Variants in DOCK7 observed in about 807,000 individuals in gnomAD.
The protein encoded by DOCK7 is dedicator of cytokinesis 7, also known as dedicator of cytokinesis protein 7.
DOCK7 carries 138 observed loss-of-function variants against 271.0 expected under a neutral mutation model. That is an observed-to-expected ratio of 0.51 (90% confidence interval 0.44 to 0.59). The LOEUF (loss-of-function observed/expected upper bound fraction) is 0.59, where lower values mean the gene tolerates loss of function less well. Among genes scored for constraint, DOCK7 ranks in the 20% least tolerant of loss-of-function variants. DOCK7 has a pLI of 0.00. For synonymous variants in DOCK7, 823 were observed against 876.1 expected, an observed-to-expected ratio of 0.94 and a Z score of 1.07; for missense variants, 2,066 against 2,592.4, an observed-to-expected ratio of 0.80 and a Z score of 4.41.
intron 43 of DOCK7, among the ~76,000 whole-genome samples, chr1:62,479,551 T>G (rs114856166): frequency 0.027 from 4,061 of 152,144 alleles, 128 homozygotes; most frequent in Admixed American, 0.093. Flanking sequence ...AATTCTGACT[T>G]AAGTAATAAA....
At chr1:62,586,745 G>T in intron 14 of DOCK7, 121 bp from the exon 15 acceptor site, 1 of 534,188 alleles carries the variant, frequency 1.9e-6, no homozygotes, top group South Asian at 4.0e-5. Flanking sequence ...TAGCAATTAT[G>T]CTAAGTATTT....
intron 31 of DOCK7, among the ~76,000 whole-genome samples, chr1:62,519,426 T>G (rs543042064): frequency 3.3e-5 from 5 of 152,214 alleles, no homozygotes; most frequent in Admixed American, 1.3e-4. Context: ...TCTGATCATT[T>G]AATTTGGCCA....
intron 41 of DOCK7, 127 bp from the exon 42 acceptor site, chr1:62,489,192 G>C (rs1403541578): frequency 1.2e-6 from 1 of 863,052 alleles, no homozygotes; most frequent in African/African-American, 1.8e-5. Flanking sequence ...GCTCACACCT[G>C]TAATCCCAGC....
At chr1:62,487,656 C>T in intron 42 of DOCK7, 1 of 406,698 alleles carries the variant, frequency 2.5e-6, no homozygotes, top group Non-Finnish European at 4.5e-6. Flanking sequence ...GGAAAGAGAG[C>T]CAGCAGCTTG....
At chr1:62,643,792 T>C (rs897950117) in intron 7 of DOCK7, among the ~76,000 whole-genome samples, 1 of 152,090 alleles carries the variant, frequency 6.6e-6, no homozygotes, top group African/African-American at 2.4e-5. Flanking sequence ...TCTATTTACA[T>C]CTTTGTGTAC....
intron 1 of DOCK7, among the ~76,000 whole-genome samples, chr1:62,675,135 C>T (rs1013002205): frequency 6.6e-6 from 1 of 152,174 alleles, no homozygotes; most frequent in Non-Finnish European, 1.5e-5. Flanking sequence ...GAATAAGAGG[C>T]CAGGCATGGT....
In DOCK7 at chr1:62,454,957, A is replaced by T. The variant is rs1205535595; in HGVS notation, c.*457T>A. Reference sequence around the variant, plus strand: ...GAACTAGTTCTTGAGTCAACCCTTTAATTGTTCTCTGCCATTGTCAATAAT... The same window carrying T: ...GAACTAGTTCTTGAGTCAACCCTTTTATTGTTCTCTGCCATTGTCAATAAT... On this transcript the variant is annotated 3_prime_UTR_variant, in exon 50 of 50. Coordinates refer to ENST00000635253, the MANE Select transcript of DOCK7 (RefSeq NM_001367561.1). 2.9e-6 allele frequency: 1 copy of T among 341,690 alleles called. No homozygotes were observed. Among genetic ancestry groups the T allele is most frequent in the Non-Finnish European group, 5.2e-6 (1 of 190,746 alleles). 21.2% of individuals were successfully genotyped at this position (341,690 alleles called of 1,614,324 possible).
intron 33 of DOCK7, among the ~76,000 whole-genome samples, chr1:62,511,643 T>C (rs928454814): frequency 2.0e-5 from 3 of 152,174 alleles, no homozygotes; most frequent in African/African-American, 7.2e-5. Flanking sequence ...AATCATTTCC[T>C]GTACAATAAA....
chr1:62,539,250 C>G (rs1004337503), intron 27 of DOCK7, among the ~76,000 whole-genome samples: 5 of 152,148 alleles, frequency 3.3e-5, no homozygotes, highest in Non-Finnish European at 5.9e-5. Context: ...GACTGCTTTA[C>G]ATTACTACTG....
rs755809404 is a variant in DOCK7, at chr1:62,543,677, C to T, written c.2928G>A (p.Thr976=). The T allele has an allele frequency of 1.1e-5, 18 of 1,602,100 alleles. No individual in the cohort carries two copies. The highest frequency in any genetic ancestry group is 1.5e-5 in the Non-Finnish European group (17 of 1,171,426). Residue 976 remains threonine (T), a synonymous_variant, in exon 24 of 50, where the codon ACG becomes ACA. Coordinates refer to ENST00000635253, the MANE Select transcript of DOCK7 (RefSeq NM_001367561.1). ...TETSSFLQTL[T]GRLPTKKLFH... is the part of the protein sequence containing the mutation. Reference sequence around the variant, plus strand: ...CTACCTTTTTAGTTGGTAAGCGTCCCGTTAATGTTTGTAAGAAACTTGACG... The same window carrying T: ...CTACCTTTTTAGTTGGTAAGCGTCCTGTTAATGTTTGTAAGAAACTTGACG...
rs141549705 is a variant in DOCK7 at position 62,539,520 on chromosome 1, C to T, written c.3300+25G>A. On this transcript the variant is annotated intron_variant, in intron 27 of 49. Coordinates refer to ENST00000635253, the MANE Select transcript of DOCK7 (RefSeq NM_001367561.1). ...ACATAGTATTTAAATTATTTGATTA[C>T]TAATTATTCCTAACTATGCATTACC... 1,797 of 1,521,820 alleles carry T rather than the reference C, an allele frequency of 1.2e-3. 12 individuals are homozygous for T. In the African/African-American group the frequency reaches 0.021, roughly 18 times the overall value. The allele number at this position is 1,521,820 out of a possible 1,614,324, so 94.3% of individuals were successfully genotyped here. A position where few individuals can be genotyped will look rare whatever the true frequency, so the allele number is the denominator to read the frequency against.
At chr1:62,464,383 C>T (rs945642787) in intron 48 of DOCK7, among the ~76,000 whole-genome samples, 1 of 150,634 alleles carries the variant, frequency 6.6e-6, no homozygotes, top group African/African-American at 2.4e-5. Context: ...TAAATGGTGC[C>T]TCAATTTGCT....
Position 62,513,083 on chromosome 1 carries a change from T to A in DOCK7, c.4282+361A>T, listed in dbSNP as rs115346228. On this transcript the variant is annotated intron_variant, in intron 33 of 49. Transcript: ENST00000635253. The stretch of plus-strand genomic sequence containing the variant: ...CGCATACTAAGGGGTATATGGGAAA[T>A]CTCTGTACCTTTGCTCACTTTTGCT... Among the ~76,000 whole-genome samples the A allele has an allele frequency of 7.9e-3, 1,195 of 152,014 alleles. 8 individuals carry two copies. Among genetic ancestry groups the A allele is most frequent in the Middle Eastern group, 0.021 (6 of 292 alleles).
intron 1 of DOCK7, 51 bp downstream of exon 1, chr1:62,688,174 CCG>C: frequency 7.4e-7 from 1 of 1,345,948 alleles, no homozygotes; most frequent in Non-Finnish European, 9.6e-7. Context: ...TGGGAGGACT[CCG>C]CGGCTCTTTC....
chr1:62,647,680 T>C lies in DOCK7; in HGVS notation c.818+11A>G. 1 of 1,565,870 alleles carries C rather than the reference T, an allele frequency of 6.4e-7. No homozygotes were observed. The highest frequency in any genetic ancestry group is 8.7e-7 in the Non-Finnish European group (1 of 1,154,082). On this transcript the variant is annotated intron_variant, in intron 7 of 49. Coordinates refer to ENST00000635253, the MANE Select transcript of DOCK7 (RefSeq NM_001367561.1). ...AAATAAAAGTTGTAAGTAAAAGAAA[T>C]AAATACTCACTTGAGTGATAAGCAT...
At chr1:62,616,826 A>C (rs1652496217) in intron 14 of DOCK7, among the ~76,000 whole-genome samples, 1 of 151,756 alleles carries the variant, frequency 6.6e-6, no homozygotes, top group African/African-American at 2.4e-5. Flanking sequence ...TAAGACGCAA[A>C]AGATTAGCAA....
At chr1:62,509,122 G>T (rs1644403385) in intron 34 of DOCK7, among the ~76,000 whole-genome samples, 1 of 151,848 alleles carries the variant, frequency 6.6e-6, no homozygotes. Context: ...GGAGTTAAGA[G>T]ACCAGCCTGC....
intron 48 of DOCK7, among the ~76,000 whole-genome samples, chr1:62,466,652 C>A (rs1165252582): frequency 6.6e-5 from 10 of 152,136 alleles, no homozygotes. Context: ...AACATCTCGG[C>A]CAGGTACTGT....
intron 4 of DOCK7, 70 bp from the exon 5 acceptor site, chr1:62,648,614 A>G: frequency 2.4e-6 from 2 of 834,896 alleles, no homozygotes; most frequent in Non-Finnish European, 3.3e-6. Flanking sequence ...TTTGGGCATC[A>G]TTATGTAATA....
Sources: gnomAD v4.1 joint callset for allele counts (sites outside exome capture counted in the v4.1 genomes callset) on GRCh38, gnomAD v4.1.1 for gene constraint, MANE v1.5 for transcripts, NCBI Gene and HGNC (gene_info 2026-07-23, HGNC 2026-07-21) for gene names.